Variants in GRIN2A observed in about 807,000 individuals in gnomAD.
GRIN2A encodes glutamate receptor ionotropic, NMDA 2A.
In GRIN2A, 22 loss-of-function variants were observed where a neutral mutation model predicts 113.4. That is an observed-to-expected ratio of 0.19 (90% CI 0.14 to 0.28). The LOEUF (loss-of-function observed/expected upper bound fraction) is 0.28, where lower values mean the gene tolerates loss of function less well. Among genes scored for constraint, GRIN2A ranks in the 10% least tolerant of loss-of-function variants. GRIN2A has a pLI of 1.00. For missense variants in GRIN2A, 1,502 were observed against 1,887.0 expected (o/e 0.80, Z 3.78); for synonymous variants, 827 against 738.4 (o/e 1.12, Z -1.94).
intron 4 of GRIN2A, among the ~76,000 whole-genome samples, chr16:9,884,499 A>G (rs1031345619): frequency 5.3e-5 from 8 of 152,138 alleles, no homozygotes; most frequent in Non-Finnish European, 8.8e-5. Flanking sequence ...CAGTGAGCCC[A>G]GATCGTGCCA....
In GRIN2A at chr16:9,760,374, ATTTTTTTTTTTT is replaced by A. The variant is rs35189803; in HGVS notation, c.*2763_*2774del. 7 of 94,066 alleles carry A rather than the reference ATTTTTTTTTTTT, an allele frequency of 7.4e-5. No homozygotes were observed. The Admixed American group carries it at 9.3e-4, about 12-fold the overall frequency. The allele number at this position is 94,066 out of a possible 1,614,324, so 5.8% of individuals were successfully genotyped here. On this transcript the variant is annotated 3_prime_UTR_variant, in exon 13 of 13. Transcript: ENST00000330684. Reference sequence around the variant, plus strand: ...AAATTGACCATCTGATCAGTAGTTGATTTTTTTTTTTTTTTTTTTTTTTTGCTTGGGATCATC... The same window carrying A: ...AAATTGACCATCTGATCAGTAGTTGATTTTTTTTTTTTGCTTGGGATCATC...
At chr16:9,944,351 T>C (rs1207449146) in intron 2 of GRIN2A, among the ~76,000 whole-genome samples, 1 of 152,120 alleles carries the variant, frequency 6.6e-6, no homozygotes, top group African/African-American at 2.4e-5. Flanking sequence ...TTCAGATGGA[T>C]AGCATTCTCA....
At chr16:9,890,196 C>T (rs2043666868) in intron 4 of GRIN2A, among the ~76,000 whole-genome samples, 1 of 152,104 alleles carries the variant, frequency 6.6e-6, no homozygotes, top group African/African-American at 2.4e-5. Flanking sequence ...AAAAACATAA[C>T]AAAAAAATAA....
At chr16:10,076,499 C>T (rs1164363722) in intron 2 of GRIN2A, among the ~76,000 whole-genome samples, 2 of 152,106 alleles carry the variant, frequency 1.3e-5, no homozygotes, top group African/African-American at 2.4e-5. Context: ...GACACATGTC[C>T]GTGGCCCTCC....
chr16:10,121,642 C>T (rs190173258), intron 2 of GRIN2A: 11 of 152,220 alleles, frequency 7.2e-5, no homozygotes, highest in African/African-American at 2.4e-4. Flanking sequence ...CTGGGTGCAG[C>T]CACATATCAT....
chr16:10,129,937 T>C (rs932543129), intron 2 of GRIN2A, among the ~76,000 whole-genome samples: 2 of 152,204 alleles, frequency 1.3e-5, no homozygotes, highest in Non-Finnish European at 2.9e-5. Flanking sequence ...TAGAAGCATG[T>C]TTCATGGATC....
intron 2 of GRIN2A, among the ~76,000 whole-genome samples, chr16:9,999,451 A>G (rs1176873977): frequency 6.6e-6 from 1 of 152,206 alleles, no homozygotes; most frequent in Non-Finnish European, 1.5e-5. Flanking sequence ...AGGGACATGG[A>G]TGAAGCTAGA....
chr16:9,863,271 C>A (rs143290199), intron 4 of GRIN2A, among the ~76,000 whole-genome samples: 11 of 152,282 alleles, frequency 7.2e-5, no homozygotes, highest in African/African-American at 2.6e-4. Flanking sequence ...ACAGTGATGT[C>A]CTGAGAGTTG....
chr16:9,895,961 C>A (rs1020349375), intron 3 of GRIN2A, among the ~76,000 whole-genome samples: 1 of 152,118 alleles, frequency 6.6e-6, no homozygotes, highest in African/African-American at 2.4e-5. Flanking sequence ...AATGCTGGAT[C>A]AGGGAACAAA....
intron 2 of GRIN2A, among the ~76,000 whole-genome samples, chr16:9,983,862 T>C (rs970160319): frequency 4.6e-5 from 7 of 152,252 alleles, no homozygotes; most frequent in Non-Finnish European, 1.0e-4. Flanking sequence ...GCAATAAACA[T>C]GGCAGTGGGT....
chr16:9,815,462 CAA>C (rs2042170745), intron 10 of GRIN2A, among the ~76,000 whole-genome samples: 1 of 148,172 alleles, frequency 6.7e-6, no homozygotes, highest in Non-Finnish European at 1.5e-5. Context: ...GTAAAATGGC[CAA>C]AAGACTTGCA....
intron 11 of GRIN2A, among the ~76,000 whole-genome samples, chr16:9,778,982 A>G (rs1901779271): frequency 6.6e-6 from 1 of 152,258 alleles, no homozygotes; most frequent in South Asian, 2.1e-4. Flanking sequence ...CTGGGCAGGG[A>G]GGGTGCAATG....
At position 9,958,528 on chromosome 16, in the gene GRIN2A, G is replaced by C. The variant is rs575379432; in HGVS notation, c.415-19977C>G. 3.3e-5 allele frequency among the ~76,000 whole-genome samples: 5 copies of C among 152,106 alleles called. No homozygotes were observed. The East Asian group carries it at 7.7e-4, about 23-fold the overall frequency. On this transcript the variant is annotated intron_variant, in intron 2 of 12. Coordinates refer to ENST00000330684, the MANE Select transcript of GRIN2A (RefSeq NM_001134407.3). ...TTTTATCTGGCACAGTATGTCTGAGGTGTGACCCAGAAATCCGTATTTTTA... is the reference window on the plus strand; with the variant it reads ...TTTTATCTGGCACAGTATGTCTGAGCTGTGACCCAGAAATCCGTATTTTTA...
At chr16:10,144,808 C>CTA (rs2049400754) in intron 2 of GRIN2A, among the ~76,000 whole-genome samples, 1 of 151,036 alleles carries the variant, frequency 6.6e-6, no homozygotes, top group East Asian at 2.0e-4. Context: ...GTAATCCCAA[C>CTA]TACTCAGGAG....
chr16:10,112,722 G>A (rs1304936661), intron 2 of GRIN2A: 2 of 738,096 alleles, frequency 2.7e-6, no homozygotes, highest in African/African-American at 3.4e-5. Flanking sequence ...CTCCATCCAG[G>A]ACAAAGGGTC....
At chr16:10,181,701 G>T (rs572401690) in intron 1 of GRIN2A, 176 bp downstream of exon 1, 1 of 152,664 alleles carries the variant, frequency 6.6e-6, no homozygotes, top group East Asian at 1.9e-4. Flanking sequence ...ACGTTCCTGG[G>T]TAAGCGCCGC....
At chr16:10,025,580 G>A (rs1453873618) in intron 2 of GRIN2A, among the ~76,000 whole-genome samples, 1 of 152,050 alleles carries the variant, frequency 6.6e-6, no homozygotes, top group Admixed American at 6.6e-5. Flanking sequence ...GGAATTATAG[G>A]CGTGAATCAC....
At position 10,050,164 on chromosome 16, in the gene GRIN2A, G is replaced by A. The variant is rs192056244; in HGVS notation, c.415-111613C>T. Among the ~76,000 whole-genome samples, 316 of 152,318 alleles carry A rather than the reference G, an allele frequency of 2.1e-3. 1 individual carries two copies. Among genetic ancestry groups the A allele is most frequent in the African/African-American group, 7.1e-3 (297 of 41,570 alleles). On this transcript the variant is annotated intron_variant, in intron 2 of 12. Transcript: ENST00000330684. The stretch of plus-strand genomic sequence containing the variant: ...TGTAATCAGAAGTATTCTTCTAAGA[G>A]GGAGGTAGAAAGGGCAGAGGGAGAC...
intron 2 of GRIN2A, among the ~76,000 whole-genome samples, chr16:10,145,355 C>T (rs1017410506): frequency 1.3e-5 from 2 of 152,078 alleles, no homozygotes. Flanking sequence ...AAAAACAAAA[C>T]AAAGAGACAC....
Sources: allele counts gnomAD v4.1 joint callset (sites outside exome capture counted in the v4.1 genomes callset), GRCh38; gene constraint gnomAD v4.1.1; transcripts MANE v1.5; gene names NCBI Gene and HGNC (gene_info 2026-07-23, HGNC 2026-07-21).